OR1J2: variants seen among roughly 807,000 people sequenced by gnomAD.
The protein encoded by OR1J2 is olfactory receptor family 1 subfamily J member 2, also known as olfactory receptor 1J2.
For synonymous variants in OR1J2, 142 were observed against 99.7 expected (o/e 1.42, Z -2.52); for missense variants, 304 against 246.1 (o/e 1.24, Z -1.57).
chr9:122,488,218 A>G, the OR1J2 span, among the ~76,000 whole-genome samples: 6 of 152,102 alleles, frequency 3.9e-5, no homozygotes, highest in African/African-American at 1.4e-4. Context: ...GCTCACTGCA[A>G]CCTCTGCCTC....
the OR1J2 span, among the ~76,000 whole-genome samples, chr9:122,454,224 A>G: frequency 1.3e-5 from 2 of 152,240 alleles, no homozygotes; most frequent in African/African-American, 4.8e-5. Context: ...GATAAAAATG[A>G]CAACTCCCAG....
At chr9:122,524,442 G>C in the OR1J2 span, among the ~76,000 whole-genome samples, 1 of 152,196 alleles carries the variant, frequency 6.6e-6, no homozygotes, top group South Asian at 2.1e-4. Context: ...TGGCTGGCTG[G>C]AATCGAGGAA....
At chr9:122,567,965 G>A in the OR1J2 span, 2 of 1,614,162 alleles carry the variant, frequency 1.2e-6, no homozygotes, top group Non-Finnish European at 1.7e-6. Context: ...TAACATTGGA[G>A]TCACAGAAGG....
At chr9:122,567,607 T>G in the OR1J2 span, 1 of 1,612,576 alleles carries the variant, frequency 6.2e-7, no homozygotes, top group African/African-American at 1.3e-5. Flanking sequence ...TTTCTCAGGC[T>G]GTAGATAAAA....
chr9:122,565,310 A>G, the OR1J2 span, among the ~76,000 whole-genome samples: 31 of 152,258 alleles, frequency 2.0e-4, no homozygotes, highest in Non-Finnish European at 8.8e-5. Flanking sequence ...TGTCCCATGT[A>G]AATACTCACC....
the OR1J2 span, among the ~76,000 whole-genome samples, chr9:122,454,585 C>T: frequency 4.2e-3 from 645 of 152,222 alleles, 3 homozygotes; most frequent in African/African-American, 0.013. Context: ...CATTTATTAC[C>T]TGTCTTGATC....
chr9:122,525,846 T>A, the OR1J2 span, among the ~76,000 whole-genome samples: 2 of 152,172 alleles, frequency 1.3e-5, no homozygotes, highest in African/African-American at 2.4e-5. Flanking sequence ...TTTATTTCTT[T>A]TGTCTTACTC....
the OR1J2 span, chr9:122,475,612 A>G: frequency 6.6e-6 from 1 of 152,168 alleles, no homozygotes; most frequent in Non-Finnish European, 1.5e-5. Flanking sequence ...AAGTGTTACG[A>G]TATTGATTAT....
the OR1J2 span, among the ~76,000 whole-genome samples, chr9:122,451,661 TTATA>T: frequency 6.6e-6 from 1 of 152,240 alleles, no homozygotes; most frequent in Non-Finnish European, 1.5e-5. Context: ...CATTTATTTT[TTATA>T]AAGTAGCCTA....
the OR1J2 span, among the ~76,000 whole-genome samples, chr9:122,547,877 A>G: frequency 7.7e-4 from 117 of 152,268 alleles, 1 homozygote; most frequent in Middle Eastern, 6.8e-3. Flanking sequence ...ACTGTTTTCC[A>G]TAGAGGCTGT....
At chr9:122,448,927 C>T in the OR1J2 span, 3 of 141,348 alleles carry the variant, frequency 2.1e-5, no homozygotes, top group African/African-American at 7.9e-5. Flanking sequence ...TCCATACACC[C>T]AGGAGTTTGA....
chr9:122,568,011 T>G, the OR1J2 span: 1 of 1,612,674 alleles, frequency 6.2e-7, no homozygotes, highest in South Asian at 1.1e-5. Flanking sequence ...CAGGAGTGAG[T>G]GGAGGTGAGG....
chr9:122,501,738 T>C, the OR1J2 span, among the ~76,000 whole-genome samples: 1 of 152,286 alleles, frequency 6.6e-6, no homozygotes, highest in African/African-American at 2.4e-5. Context: ...TAAAAAATTA[T>C]TATTAAGTTA....
At chr9:122,531,350 T>C in the OR1J2 span, among the ~76,000 whole-genome samples, 9 of 152,192 alleles carry the variant, frequency 5.9e-5, no homozygotes, top group Non-Finnish European at 7.4e-5. Flanking sequence ...GCTGTGATGG[T>C]TTGGAGAAAC....
the OR1J2 span, chr9:122,477,169 C>T: frequency 7.9e-5 from 127 of 1,614,064 alleles, no homozygotes; most frequent in Admixed American, 1.0e-3. Context: ...AATAATTGTC[C>T]GATAATAGAT....
At chr9:122,527,133 T>C in the OR1J2 span, 5 of 1,614,116 alleles carry the variant, frequency 3.1e-6, no homozygotes, top group East Asian at 1.1e-4. Flanking sequence ...CATGGGGGTG[T>C]GGAGGTGCAG....
chr9:122,518,928 C>A, the OR1J2 span, among the ~76,000 whole-genome samples: 1 of 152,200 alleles, frequency 6.6e-6, no homozygotes, highest in African/African-American at 2.4e-5. Flanking sequence ...TCTTCTATTT[C>A]AAACCCTCTA....
chr9:122,578,652 G>T, the OR1J2 span, among the ~76,000 whole-genome samples: 1 of 151,906 alleles, frequency 6.6e-6, no homozygotes, highest in East Asian at 1.9e-4. Flanking sequence ...GGCATTCACG[G>T]CAACCTGGAT....
chr9:122,484,787 C>T, the OR1J2 span, among the ~76,000 whole-genome samples: 8 of 152,120 alleles, frequency 5.3e-5, no homozygotes, highest in African/African-American at 1.9e-4. Flanking sequence ...AATCCTAACA[C>T]TTTGGGAGGC....
Sources: gnomAD v4.1 joint callset for allele counts (sites outside exome capture counted in the v4.1 genomes callset) on GRCh38, gnomAD v4.1.1 for gene constraint, MANE v1.5 for transcripts, NCBI Gene and HGNC (gene_info 2026-07-23, HGNC 2026-07-21) for gene names.